HEPACAM: variants seen among roughly 807,000 people sequenced by gnomAD.
HEPACAM encodes the protein hepatic and glial cell adhesion molecule, also known as hepatocyte cell adhesion molecule.
A neutral mutation model predicts 38.3 loss-of-function variants in HEPACAM; 18 were observed. The ratio of observed to expected loss-of-function variants is 0.47; its 90% CI spans 0.33 to 0.70. The LOEUF (loss-of-function observed/expected upper bound fraction) is 0.70, where lower values mean the gene tolerates loss of function less well. Ranked by LOEUF, HEPACAM falls within the 30% of genes least tolerant of loss-of-function variation. HEPACAM has a pLI of 0.03. For synonymous variants in HEPACAM, 216 were observed against 243.1 expected (o/e 0.89, Z 1.04); for missense variants, 466 against 563.0 (o/e 0.83, Z 1.74).
chr11:124,926,794 C>G (rs565703007), intron 1 of HEPACAM, among the ~76,000 whole-genome samples: 1 of 152,256 alleles, frequency 6.6e-6, no homozygotes, highest in Non-Finnish European at 1.5e-5. Flanking sequence ...CCTTATTTCT[C>G]TCCTCATGCT....
chr11:124,932,887 T>C (rs1591553649), intron 1 of HEPACAM, among the ~76,000 whole-genome samples: 2 of 152,328 alleles, frequency 1.3e-5, no homozygotes, highest in African/African-American at 4.8e-5. Context: ...TAGGGCTCCA[T>C]TGGCTTGGTC....
At chr11:124,923,530 C>A in intron 3 of HEPACAM, 97 bp from the exon 4 acceptor site, 1 of 1,149,984 alleles carries the variant, frequency 8.7e-7, no homozygotes, top group East Asian at 2.4e-5. Context: ...AGGGGGAGCC[C>A]CAGGCTGCAT....
In HEPACAM at chr11:124,919,847, A is replaced by C. The variant is rs1310454363; in HGVS notation, c.*1291T>G. ...GATGCAAGGACCCTTGGAGGCATTA[A>C]GGAGGAGGGAATGGAATACACAGAG... On this transcript the variant is annotated 3_prime_UTR_variant, in exon 7 of 7. Transcript: ENST00000298251. The C allele has an allele frequency of 6.2e-7, 1 of 1,609,756 alleles. No homozygotes were observed. Among genetic ancestry groups the C allele is most frequent in the Non-Finnish European group, 8.5e-7 (1 of 1,175,986 alleles).
At chr11:124,928,938 T>C (rs1490610028) in intron 1 of HEPACAM, among the ~76,000 whole-genome samples, 1 of 152,216 alleles carries the variant, frequency 6.6e-6, no homozygotes, top group Non-Finnish European at 1.5e-5. Flanking sequence ...CAAAATAAAC[T>C]TTGTAAATTA....
rs71042463 is a variant in HEPACAM at position 124,920,678 on chromosome 11, CAAAAAAAAAAAAAAA to C, written c.*445_*459del. The C allele has an allele frequency of 1.2e-3, 692 of 575,250 alleles. No individual in the cohort carries two copies. The highest frequency in any genetic ancestry group is 2.9e-3 in the Admixed American group (8 of 2,730). 35.6% of individuals were successfully genotyped at this position (575,250 alleles called of 1,614,324 possible). ...AAGTGGCCTCTCTAATCTGAACTTG[CAAAAAAAAAAAAAAA>C]AAAAAAAAAAAAAAAAGTGCCCCAG... is the stretch of plus-strand genomic sequence containing the variant. On this transcript the variant is annotated 3_prime_UTR_variant, in exon 7 of 7. Transcript: ENST00000298251.
At chr11:124,930,879 AAAC>A (rs1326077755) in intron 1 of HEPACAM, among the ~76,000 whole-genome samples, 10 of 152,242 alleles carry the variant, frequency 6.6e-5, no homozygotes, top group Non-Finnish European at 1.5e-4. Context: ...ATGAAAGGTA[AAAC>A]AACAACATTT....
rs1250964973 is a variant in HEPACAM, at chr11:124,920,511, TCAC to T, written c.*624_*626del. On this transcript the variant is annotated 3_prime_UTR_variant, in exon 7 of 7. Coordinates refer to ENST00000298251, the MANE Select transcript of HEPACAM (RefSeq NM_152722.5). ...AAAGGAATGTACTCGTACCCTTCCC[TCAC>T]CACCTTGTAGGTCCCCAGGTACCAG... 2 of 1,468,716 alleles carry T rather than the reference TCAC, an allele frequency of 1.4e-6. No individual in the cohort carries two copies. The highest frequency in any genetic ancestry group is 1.8e-6 in the Non-Finnish European group (2 of 1,097,102). The allele number at this position is 1,468,716 out of a possible 1,614,324, so 91.0% of individuals were successfully genotyped here.
rs564777953 is a variant in HEPACAM, at chr11:124,932,682, CTTG to C, written c.85+3237_85+3239del. ...AAACTACATTTCCCAGCCAGCTTCCCTTGTTGTTAAGTATGGCCATGTGACTGA... is the reference window on the plus strand; with the variant it reads ...AAACTACATTTCCCAGCCAGCTTCCCTTGTTAAGTATGGCCATGTGACTGA... On this transcript the variant is annotated intron_variant, in intron 1 of 6. Transcript: ENST00000298251. 2.8e-3 allele frequency among the ~76,000 whole-genome samples: 433 copies of C among 152,218 alleles called. 5 individuals are homozygous for C. The highest frequency in any genetic ancestry group is 9.8e-3 in the African/African-American group (407 of 41,536).
Position 124,924,661 on chromosome 11 carries a change from G to T in HEPACAM, c.427+67C>A. 1 of 1,417,284 alleles carries T rather than the reference G, an allele frequency of 7.1e-7. No individual in the cohort carries two copies. The highest frequency in any genetic ancestry group is 1.0e-6 in the Non-Finnish European group (1 of 1,002,836). 87.8% of individuals were successfully genotyped at this position (1,417,284 alleles called of 1,614,324 possible). A position where few individuals can be genotyped will look rare whatever the true frequency, so the allele number is the denominator to read the frequency against. ...TTGGTTTTCCCTCAGTCTAGCTGGTGCGCTGGGCAGACCTTTCCCTAGTCC... is the reference window on the plus strand; with the variant it reads ...TTGGTTTTCCCTCAGTCTAGCTGGTTCGCTGGGCAGACCTTTCCCTAGTCC... On this transcript the variant is annotated intron_variant, in intron 2 of 6. Transcript: ENST00000298251. The surrounding 1 kb of genome is among the most constrained non-coding windows in gnomAD (Gnocchi z 4.4).
In HEPACAM at chr11:124,920,513, A is replaced by C. The variant is rs1437061303; in HGVS notation, c.*625T>G. 1.4e-6 allele frequency: 2 copies of C among 1,462,770 alleles called. No individual in the cohort carries two copies. The highest frequency in any genetic ancestry group is 2.8e-5 in the African/African-American group (2 of 70,990). 90.6% of individuals were successfully genotyped at this position (1,462,770 alleles called of 1,614,324 possible). ...AGGAATGTACTCGTACCCTTCCCTC[A>C]CCACCTTGTAGGTCCCCAGGTACCA... On this transcript the variant is annotated 3_prime_UTR_variant, in exon 7 of 7. Transcript: ENST00000298251.
intron 1 of HEPACAM, among the ~76,000 whole-genome samples, chr11:124,932,088 A>G (rs1947287104): frequency 6.6e-6 from 1 of 152,232 alleles, no homozygotes; most frequent in Non-Finnish European, 1.5e-5. Context: ...CTGAGATAGT[A>G]TGAGGGTGAT....
At chr11:124,933,653 A>G (rs1947308042) in intron 1 of HEPACAM, among the ~76,000 whole-genome samples, 1 of 152,064 alleles carries the variant, frequency 6.6e-6, no homozygotes, top group South Asian at 2.1e-4. Context: ...TGTCGTTCCT[A>G]TTCTCAACTC....
In HEPACAM at chr11:124,920,500, G is replaced by A. The variant is rs1404830317; in HGVS notation, c.*638C>T. On this transcript the variant is annotated 3_prime_UTR_variant, in exon 7 of 7. Transcript: ENST00000298251. ...GGTCAGAGGGAAAAGGAATGTACTC[G>A]TACCCTTCCCTCACCACCTTGTAGG... 13 of 1,496,618 alleles carry A rather than the reference G, an allele frequency of 8.7e-6. No individual in the cohort carries two copies. Among genetic ancestry groups the A allele is most frequent in the Admixed American group, 4.2e-5 (2 of 47,672 alleles). 92.7% of individuals were successfully genotyped at this position (1,496,618 alleles called of 1,614,324 possible).
rs1280698336 is a variant in HEPACAM at position 124,927,512 on chromosome 11, TTTTTTTTTTTG to T, written c.86-2454_86-2444del. 2.6e-4 allele frequency among the ~76,000 whole-genome samples: 32 copies of T among 121,756 alleles called. 2 individuals are homozygous for T. The highest frequency in any genetic ancestry group is 7.4e-4 in the Admixed American group (9 of 12,236). 79.9% of individuals were successfully genotyped at this position (121,756 alleles called of 152,430 possible). A position where few individuals can be genotyped will look rare whatever the true frequency, so the allele number is the denominator to read the frequency against. ...CATGTGCCACTATGCCCAGCTAGGTTTTTTTTTTTTGTTTTTTTTTTTTTGTATTTTTTTGT... is the reference window on the plus strand; with the variant it reads ...CATGTGCCACTATGCCCAGCTAGGTTTTTTTTTTTTTTTGTATTTTTTTGT... On this transcript the variant is annotated intron_variant, in intron 1 of 6. Coordinates refer to ENST00000298251, the MANE Select transcript of HEPACAM (RefSeq NM_152722.5).
At chr11:124,935,333 G>T (rs910714654) in intron 1 of HEPACAM, among the ~76,000 whole-genome samples, 1 of 151,940 alleles carries the variant, frequency 6.6e-6, no homozygotes, top group African/African-American at 2.4e-5. Context: ...GTGTGTATAT[G>T]TGTATGTACT....
intron 1 of HEPACAM, among the ~76,000 whole-genome samples, chr11:124,930,052 G>A (rs1479487796): frequency 1.3e-5 from 2 of 152,054 alleles, no homozygotes; most frequent in East Asian, 3.8e-4. Context: ...GTTTAGTTTG[G>A]GTCTGTCACC....
Position 124,928,105 on chromosome 11 carries a change from G to T in HEPACAM, c.86-3036C>A, listed in dbSNP as rs560463938. 7.2e-5 allele frequency among the ~76,000 whole-genome samples: 11 copies of T among 152,202 alleles called. No homozygotes were observed. The South Asian group carries it at 2.3e-3, about 32-fold the overall frequency. On this transcript the variant is annotated intron_variant, in intron 1 of 6. Transcript: ENST00000298251. The stretch of plus-strand genomic sequence containing the variant: ...AATAAAAATGGAAAAAGGCAATATG[G>T]TTCCATCTCACCTGCTTTGGTAGAA...
rs201870421 is a variant in HEPACAM, at chr11:124,923,819, C to G, written c.619G>C (p.Val207Leu). ...PDQKVLTITRVLMEDDDLYSC... is the reference protein window; with the variant it reads ...PDQKVLTITRLLMEDDDLYSC... ...TACAGGTCGTCATCCTCCATGAGCA[C>G]GCGGGTGATGGTGAGCACCTTTTGG... is the stretch of plus-strand genomic sequence containing the variant. The change falls in exon 3 of 7, where the codon GTG (valine) becomes CTG (leucine). Residue 207 changes from valine (V) to leucine (L), a missense_variant. Coordinates refer to ENST00000298251, the MANE Select transcript of HEPACAM (RefSeq NM_152722.5). 6.2e-7 allele frequency: 1 copy of G among 1,614,206 alleles called. No individual in the cohort carries two copies. The highest frequency in any genetic ancestry group is 1.1e-5 in the South Asian group (1 of 91,088).
Position 124,920,465 on chromosome 11 carries a change from C to G in HEPACAM, c.*673G>C, listed in dbSNP as rs1436993991. ...GGCAGGCTCGGGTTCTTTGCCCTTG[C>G]TAGCGCCCAGGTCAGAGGGAAAAGG... On this transcript the variant is annotated 3_prime_UTR_variant, in exon 7 of 7. Coordinates refer to ENST00000298251, the MANE Select transcript of HEPACAM (RefSeq NM_152722.5). 6.5e-7 allele frequency: 1 copy of G among 1,541,956 alleles called. No individual in the cohort carries two copies. Among genetic ancestry groups the G allele is most frequent in the Non-Finnish European group, 8.8e-7 (1 of 1,142,140 alleles).
Sources: gnomAD v4.1 joint callset for allele counts (sites outside exome capture counted in the v4.1 genomes callset) on GRCh38, gnomAD v4.1.1 for gene constraint, Gnocchi (gnomAD v3.1) non-coding constraint, MANE v1.5 for transcripts, NCBI Gene and HGNC (gene_info 2026-07-23, HGNC 2026-07-21) for gene names.